Variants in FBXW11 observed in about 807,000 individuals in gnomAD.
FBXW11 encodes the protein F-box and WD repeat domain containing 11, also known as F-box/WD repeat-containing protein 11.
In FBXW11, 19 loss-of-function variants were observed where a neutral mutation model predicts 77.6. The observed-to-expected ratio is 0.24, with a 90% CI of 0.17 to 0.36. The LOEUF is 0.36. Among genes scored for constraint, FBXW11 ranks in the 10% least tolerant of loss-of-function variants. FBXW11 has a pLI of 1.00. For missense variants in FBXW11, 334 were observed against 704.2 expected (o/e 0.47, Z 5.95); for synonymous variants, 235 against 249.4 (o/e 0.94, Z 0.54).
intron 2 of FBXW11, among the ~76,000 whole-genome samples, chr5:171,935,760 C>CA (rs1762442017): frequency 6.6e-6 from 1 of 151,774 alleles, no homozygotes; most frequent in African/African-American, 2.4e-5. Context: ...TGAGATGATG[C>CA]AAAAAATTGT....
chr5:171,871,345 G>A (rs1198744077), intron 10 of FBXW11, among the ~76,000 whole-genome samples: 8 of 152,126 alleles, frequency 5.3e-5, no homozygotes, highest in East Asian at 1.9e-4. Flanking sequence ...TTAAGCTTCC[G>A]CCCCAGGCAC....
chr5:171,900,834 C>T (rs1247335134), intron 4 of FBXW11, among the ~76,000 whole-genome samples: 1 of 152,118 alleles, frequency 6.6e-6, no homozygotes, highest in East Asian at 1.9e-4. Flanking sequence ...TTGGCTTCAA[C>T]CTCCCACGAT....
chr5:171,895,239 G>A (rs1017424186), intron 6 of FBXW11, among the ~76,000 whole-genome samples: 3 of 152,126 alleles, frequency 2.0e-5, no homozygotes, highest in East Asian at 1.9e-4. Context: ...CTTACCCTGC[G>A]CAAATTTTCA....
At chr5:171,972,601 A>G (rs1170852146) in intron 1 of FBXW11, among the ~76,000 whole-genome samples, 1 of 150,460 alleles carries the variant, frequency 6.6e-6, no homozygotes, top group Non-Finnish European at 1.5e-5. Context: ...CTGGAGTGCA[A>G]TGACGCGATC....
At chr5:171,993,247 AG>A (rs2113568388) in intron 1 of FBXW11, among the ~76,000 whole-genome samples, 2 of 152,072 alleles carry the variant, frequency 1.3e-5, no homozygotes, top group Non-Finnish European at 2.9e-5. Flanking sequence ...TTGAGTCTTC[AG>A]GTCTCTCTGA....
chr5:171,994,344 G>T (rs182821157), intron 1 of FBXW11, among the ~76,000 whole-genome samples: 27 of 152,164 alleles, frequency 1.8e-4, no homozygotes, highest in African/African-American at 6.5e-4. Flanking sequence ...GGGAAATAAT[G>T]GTACCTACCT....
intron 1 of FBXW11, among the ~76,000 whole-genome samples, chr5:171,985,527 G>A (rs751185794): frequency 7.2e-5 from 11 of 151,998 alleles, no homozygotes; most frequent in Non-Finnish European, 1.6e-4. Flanking sequence ...AGGAGGTTGA[G>A]AGATAAGGAT....
chr5:171,988,451 T>C (rs1451290615), intron 1 of FBXW11, among the ~76,000 whole-genome samples: 2 of 152,186 alleles, frequency 1.3e-5, no homozygotes, highest in Non-Finnish European at 2.9e-5. Flanking sequence ...TAGCAAAGAC[T>C]GTAATTGATT....
intron 2 of FBXW11, among the ~76,000 whole-genome samples, chr5:171,917,598 G>C (rs1444070267): frequency 6.6e-6 from 1 of 152,080 alleles, no homozygotes; most frequent in Non-Finnish European, 1.5e-5. Context: ...TTTTATAAAG[G>C]TTTCAGAAGA....
intron 2 of FBXW11, among the ~76,000 whole-genome samples, chr5:171,950,650 C>A (rs369310783): frequency 6.6e-6 from 1 of 152,168 alleles, no homozygotes; most frequent in Admixed American, 6.5e-5. Context: ...CTTTGGGAGG[C>A]TGAGGCGGGC....
At chr5:171,927,429 A>C (rs1453239474) in intron 2 of FBXW11, among the ~76,000 whole-genome samples, 1 of 152,234 alleles carries the variant, frequency 6.6e-6, no homozygotes, top group Non-Finnish European at 1.5e-5. Flanking sequence ...CCAAGGAAGA[A>C]TCACAATCAC....
intron 4 of FBXW11, chr5:171,908,797 T>A (rs1463900596): frequency 6.6e-6 from 1 of 152,182 alleles, no homozygotes; most frequent in African/African-American, 2.4e-5. Flanking sequence ...CTGGGTCTTG[T>A]TTGCTGTGGA....
intron 1 of FBXW11, among the ~76,000 whole-genome samples, chr5:171,996,429 G>A (rs1168388930): frequency 6.6e-6 from 1 of 152,214 alleles, no homozygotes; most frequent in East Asian, 1.9e-4. Context: ...CACTCTGGGA[G>A]GCCAAGGCAG....
Position 171,969,889 on chromosome 5 carries a change from G to C in FBXW11, c.46-12191C>G, listed in dbSNP as rs143011474. Among the ~76,000 whole-genome samples the C allele has an allele frequency of 9.0e-3, 1,365 of 152,238 alleles. 12 individuals are homozygous for C. The highest frequency in any genetic ancestry group is 0.014 in the Non-Finnish European group (937 of 68,010). On this transcript the variant is annotated intron_variant, in intron 1 of 13. Coordinates refer to ENST00000517395, the MANE Select transcript of FBXW11 (RefSeq NM_001378974.1). ...CAGCTAATTTTTTCTATTTTCAGTA[G>C]AGACGGGGTTTCACTGTGTTGGCCA...
rs953865222 is a variant in FBXW11, at chr5:171,950,643, T to C, written c.147+6954A>G. On this transcript the variant is annotated intron_variant, in intron 2 of 13. Transcript: ENST00000517395. ...GCTCATGCCTGTAATCCCAGCACTT[T>C]GGGAGGCTGAGGCGGGCAGACCACC... is the stretch of plus-strand genomic sequence containing the variant. Among the ~76,000 whole-genome samples the C allele has an allele frequency of 4.6e-5, 7 of 152,150 alleles. No individual in the cohort carries two copies. In the East Asian group the frequency reaches 1.3e-3, roughly 29 times the overall value.
intron 2 of FBXW11, among the ~76,000 whole-genome samples, chr5:171,915,521 C>T (rs994312950): frequency 6.6e-6 from 1 of 151,942 alleles, no homozygotes; most frequent in South Asian, 2.1e-4. Context: ...GGTCACAAAA[C>T]TGGCTCTGAT....
chr5:171,934,888 C>T (rs186493507), intron 2 of FBXW11, among the ~76,000 whole-genome samples: 53 of 152,134 alleles, frequency 3.5e-4, no homozygotes, highest in African/African-American at 1.1e-3. Flanking sequence ...ATAATCCAAG[C>T]GGTTCCTAGG....
intron 2 of FBXW11, among the ~76,000 whole-genome samples, chr5:171,945,240 C>T (rs1214747141): frequency 6.6e-6 from 1 of 152,238 alleles, no homozygotes; most frequent in East Asian, 1.9e-4. Context: ...GATATCTGAT[C>T]ATGCAAGCTA....
At chr5:171,954,319 T>A (rs1446132243) in intron 2 of FBXW11, among the ~76,000 whole-genome samples, 1 of 152,228 alleles carries the variant, frequency 6.6e-6, no homozygotes, top group Non-Finnish European at 1.5e-5. Flanking sequence ...TAAATAAATG[T>A]GTAACCTTAG....
Sources: gnomAD v4.1 joint callset for allele counts (sites outside exome capture counted in the v4.1 genomes callset) on GRCh38, gnomAD v4.1.1 for gene constraint, MANE v1.5 for transcripts, NCBI Gene and HGNC (gene_info 2026-07-23, HGNC 2026-07-21) for gene names.